Variants in CPNE4 observed in about 807,000 individuals in gnomAD.
CPNE4 encodes the protein copine-4.
CPNE4 carries 25 observed loss-of-function variants against 67.9 expected under a neutral mutation model. The ratio of observed to expected loss-of-function variants is 0.37; its 90% CI spans 0.27 to 0.51. The LOEUF (loss-of-function observed/expected upper bound fraction) is 0.51, where lower values mean the gene tolerates loss of function less well. CPNE4 is among the 20% of genes least tolerant of loss of function. CPNE4 has a pLI of 0.93. For missense variants in CPNE4, 464 were observed against 690.8 expected, an observed-to-expected ratio of 0.67 and a Z score of 3.68; for synonymous variants, 242 against 244.9, an observed-to-expected ratio of 0.99 and a Z score of 0.11.
chr3:131,606,924 A>G (rs192915264), intron 7 of CPNE4, among the ~76,000 whole-genome samples: 32 of 151,756 alleles, frequency 2.1e-4, no homozygotes, highest in African/African-American at 3.9e-4. Context: ...GCCTTTCTGC[A>G]TAGATTCAGC....
chr3:132,024,082 AT>A (rs10584915), intron 1 of CPNE4, among the ~76,000 whole-genome samples: 18,551 of 133,778 alleles, frequency 0.14, 1,082 homozygotes, highest in Middle Eastern at 0.17. Flanking sequence ...GTCTTCAGTA[AT>A]TTTTTTTTTT....
rs79556682 is a variant in CPNE4, at chr3:131,971,125, G to A, written c.-2+63442C>T. On this transcript the variant is annotated intron_variant, in intron 1 of 15. Coordinates refer to ENST00000429747, the MANE Select transcript of CPNE4 (RefSeq NM_130808.3). Reference sequence around the variant, plus strand: ...TGGTTACAGTCACATGTCTGACGCCGTGGGGACAACATCTAGAAGGCAGAG... The same window carrying A: ...TGGTTACAGTCACATGTCTGACGCCATGGGGACAACATCTAGAAGGCAGAG... 2.9e-3 allele frequency among the ~76,000 whole-genome samples: 436 copies of A among 152,318 alleles called. 3 individuals carry two copies. Among genetic ancestry groups the A allele is most frequent in the African/African-American group, 9.7e-3 (403 of 41,574 alleles).
At chr3:131,813,113 A>G (rs115220896) in intron 2 of CPNE4, among the ~76,000 whole-genome samples, 5,563 of 152,240 alleles carry the variant, frequency 0.037, 355 homozygotes, top group African/African-American at 0.12. Flanking sequence ...ATAAATGGCA[A>G]TTTCACATCA....
chr3:131,737,210 G>A (rs377599201), intron 2 of CPNE4, among the ~76,000 whole-genome samples: 166 of 130,812 alleles, frequency 1.3e-3, no homozygotes, highest in African/African-American at 4.2e-3. Flanking sequence ...TCTAACCTCC[G>A]CCTCCCGAGT....
intron 7 of CPNE4, among the ~76,000 whole-genome samples, chr3:131,634,033 A>C (rs914604107): frequency 1.3e-5 from 2 of 152,166 alleles, no homozygotes; most frequent in African/African-American, 4.8e-5. Context: ...TGTGGAGCTA[A>C]AAAAATGCAC....
chr3:131,665,660 A>AAAACAAACAAACAAAC (rs145982956), intron 7 of CPNE4, among the ~76,000 whole-genome samples: 38 of 148,710 alleles, frequency 2.6e-4, no homozygotes, highest in African/African-American at 7.5e-4. Flanking sequence ...GTCCATCTCA[A>AAAACAAACAAACAAAC]AAACAAACAA....
intron 7 of CPNE4, among the ~76,000 whole-genome samples, chr3:131,668,090 G>A (rs574016543): frequency 1.3e-5 from 2 of 152,248 alleles, no homozygotes; most frequent in South Asian, 4.1e-4. Flanking sequence ...AAATATCTCA[G>A]TTCTTACAGA....
intron 2 of CPNE4, among the ~76,000 whole-genome samples, chr3:131,862,652 A>C (rs2086736289): frequency 6.6e-6 from 1 of 151,758 alleles, no homozygotes; most frequent in Admixed American, 6.6e-5. Flanking sequence ...CTCCCGTCCG[A>C]CCAGAAAATC....
chr3:131,985,811 C>T (rs2073027757), intron 1 of CPNE4: 1 of 154,046 alleles, frequency 6.5e-6, no homozygotes, highest in Admixed American at 6.5e-5. Flanking sequence ...TTTCTGCTAC[C>T]TAGTCCATGT....
chr3:131,792,619 G>GTATA (rs1163869780), intron 2 of CPNE4, among the ~76,000 whole-genome samples: 3,191 of 56,656 alleles, frequency 0.056, 283 homozygotes, highest in Middle Eastern at 0.1. Flanking sequence ...GTGTATATAT[G>GTATA]TATATATATA....
intron 2 of CPNE4, among the ~76,000 whole-genome samples, chr3:131,842,645 G>A (rs564642637): frequency 1.3e-5 from 2 of 150,332 alleles, no homozygotes; most frequent in South Asian, 4.2e-4. Context: ...TGAATTGGAA[G>A]TGACAGTTAC....
rs568522036 is a variant in CPNE4 at position 131,865,963 on chromosome 3, T to C, written c.180+39301A>G. 2.6e-5 allele frequency among the ~76,000 whole-genome samples: 4 copies of C among 152,340 alleles called. No homozygotes were observed. In the East Asian group the frequency reaches 7.7e-4, roughly 29 times the overall value. ...GGCATTGTCCCAAGTTGGGCCAATATGGCCAGGCCTTTACAGGCTCACACA... is the reference window on the plus strand; with the variant it reads ...GGCATTGTCCCAAGTTGGGCCAATACGGCCAGGCCTTTACAGGCTCACACA... On this transcript the variant is annotated intron_variant, in intron 2 of 15. Transcript: ENST00000429747.
chr3:131,948,121 AG>A (rs1453554686), intron 1 of CPNE4, among the ~76,000 whole-genome samples: 2 of 151,970 alleles, frequency 1.3e-5, no homozygotes, highest in Non-Finnish European at 2.9e-5. Context: ...ATTTATTCTT[AG>A]TTTTTTTATT....
intron 2 of CPNE4, among the ~76,000 whole-genome samples, chr3:131,836,907 G>A (rs770560190): frequency 2.2e-4 from 33 of 152,080 alleles, no homozygotes; most frequent in Non-Finnish European, 4.3e-4. Flanking sequence ...AATTTAAAAA[G>A]CGGGTAAAAT....
Position 131,947,781 on chromosome 3 carries a change from T to C in CPNE4, c.-1-42337A>G, listed in dbSNP as rs182667460. 3.6e-3 allele frequency among the ~76,000 whole-genome samples: 550 copies of C among 152,292 alleles called. 1 individual carries two copies. The highest frequency in any genetic ancestry group is 6.1e-3 in the Non-Finnish European group (418 of 68,012). ...ATGGGATTGCTGGGTCAAATGGTAT[T>C]TCTGGTTCTAGGTCCTTGAGGAATT... On this transcript the variant is annotated intron_variant, in intron 1 of 15. Transcript: ENST00000429747.
At chr3:131,678,754 A>G (rs2080651937) in intron 6 of CPNE4, among the ~76,000 whole-genome samples, 3 of 152,160 alleles carry the variant, frequency 2.0e-5, no homozygotes, top group Non-Finnish European at 2.9e-5. Flanking sequence ...ATTTGCCTAC[A>G]TTGAACCAAC....
intron 7 of CPNE4, among the ~76,000 whole-genome samples, chr3:131,646,995 G>A (rs2079684478): frequency 6.6e-6 from 1 of 152,214 alleles, no homozygotes; most frequent in Non-Finnish European, 1.5e-5. Context: ...GGGGAGCAGA[G>A]CAGAGATAGG....
chr3:131,899,947 A>G (rs2088487032), intron 2 of CPNE4, among the ~76,000 whole-genome samples: 1 of 152,064 alleles, frequency 6.6e-6, no homozygotes, highest in African/African-American at 2.4e-5. Flanking sequence ...AAAATTCCAC[A>G]GCCCACTTCT....
At chr3:131,942,514 G>GAGAGAGAGAGA (rs1244798502) in intron 1 of CPNE4, among the ~76,000 whole-genome samples, 4 of 108,014 alleles carry the variant, frequency 3.7e-5, no homozygotes, top group African/African-American at 1.4e-4. Context: ...GAGAGAGAGA[G>GAGAGAGAGAGA]ATCATTTTAT....
Sources: allele counts gnomAD v4.1 joint callset (sites outside exome capture counted in the v4.1 genomes callset), GRCh38; gene constraint gnomAD v4.1.1; transcripts MANE v1.5; gene names NCBI Gene and HGNC (gene_info 2026-07-23, HGNC 2026-07-21).